MMP28: variants seen among roughly 807,000 people sequenced by gnomAD.
The protein encoded by MMP28 is matrix metallopeptidase 28.
A neutral mutation model predicts 60.5 loss-of-function variants in MMP28; 55 were observed. The observed-to-expected ratio is 0.91, with a 90% CI of 0.73 to 1.14. The LOEUF (loss-of-function observed/expected upper bound fraction) is 1.14. MMP28 is among the 50% of genes most tolerant of loss of function. The probability of loss-of-function intolerance (pLI) is 0.00; values close to 1 mark genes in which losing one functional copy is unlikely to be tolerated. For synonymous variants in MMP28, 318 were observed against 312.5 expected, an observed-to-expected ratio of 1.02 and a Z score of -0.18; for missense variants, 686 against 738.3, an observed-to-expected ratio of 0.93 and a Z score of 0.82.
chr17:35,768,508 T>TG, intron 5 of MMP28, 129 bp from the exon 6 acceptor site: 1 of 755,786 alleles, frequency 1.3e-6, no homozygotes, highest in Non-Finnish European at 2.0e-6. Context: ...AGAGTGGGAG[T>TG]GGGGGTTAAG....
At chr17:35,792,257 T>C (rs937031794) in intron 1 of MMP28, among the ~76,000 whole-genome samples, 1 of 152,054 alleles carries the variant, frequency 6.6e-6, no homozygotes, top group African/African-American at 2.4e-5. Flanking sequence ...TGGAGTGCAG[T>C]AGAAGCAATA....
chr17:35,779,458 G>T, intron 1 of MMP28, 135 bp from the exon 2 acceptor site: 2 of 674,396 alleles, frequency 3.0e-6, no homozygotes, highest in Non-Finnish European at 5.1e-6. Flanking sequence ...AGCTATAGCA[G>T]AATGAGTTCT....
At chr17:35,778,731 T>C (rs1294472648) in intron 3 of MMP28, 157 bp downstream of exon 3, 2 of 1,476,772 alleles carry the variant, frequency 1.4e-6, no homozygotes, top group Non-Finnish European at 1.8e-6. Flanking sequence ...TTCACAATCA[T>C]GGTCCTCAAG....
At chr17:35,782,811 G>A (rs1200554519) in intron 1 of MMP28, among the ~76,000 whole-genome samples, 3 of 151,514 alleles carry the variant, frequency 2.0e-5, no homozygotes, top group Non-Finnish European at 2.9e-5. Flanking sequence ...GATGGCTGGG[G>A]ACAAATTATT....
downstream of MMP28, among the ~76,000 whole-genome samples, chr17:35,761,563 G>A (rs1188161146): frequency 6.6e-6 from 1 of 152,104 alleles, no homozygotes; most frequent in East Asian, 1.9e-4. Context: ...ACAGGTGTGA[G>A]CCACCACATC....
intron 3 of MMP28, among the ~76,000 whole-genome samples, chr17:35,774,100 G>A (rs1028460787): frequency 6.6e-6 from 1 of 152,180 alleles, no homozygotes; most frequent in African/African-American, 2.4e-5. Context: ...CTGAGAGAAA[G>A]TTTTCCATCT....
chr17:35,762,995 G>A (rs369280681), downstream of MMP28, among the ~76,000 whole-genome samples: 2 of 152,060 alleles, frequency 1.3e-5, no homozygotes, highest in East Asian at 3.9e-4. Flanking sequence ...GGTGGCGGGC[G>A]CCTATAGTCC....
intron 1 of MMP28, among the ~76,000 whole-genome samples, chr17:35,780,095 T>C (rs548865507): frequency 5.3e-5 from 8 of 151,946 alleles, no homozygotes; most frequent in Admixed American, 3.3e-4. Flanking sequence ...TGAGATGGAG[T>C]TTTGCTCTTG....
In MMP28 at chr17:35,779,053, G is replaced by A. The variant is rs2086420319; in HGVS notation, c.214C>T (p.Leu72=). 6.2e-7 allele frequency: 1 copy of A among 1,613,894 alleles called. No homozygotes were observed. The highest frequency in any genetic ancestry group is 8.5e-7 in the Non-Finnish European group (1 of 1,179,896). Residue 72 remains leucine (L), a synonymous_variant, in exon 3 of 8, where the codon CTA becomes TTA. Coordinates refer to ENST00000605424, the MANE Select transcript of MMP28 (RefSeq NM_024302.5). ...CGGTCCAACACGCCGCTGACAGGTA[G>A]CTGGGACACCCACTGAAACGCTCTG... ...AIRAFQWVSQ[L]PVSGVLDRAT...
chr17:35,789,049 A>G (rs1324252456), intron 1 of MMP28, among the ~76,000 whole-genome samples: 5 of 152,192 alleles, frequency 3.3e-5, no homozygotes, highest in Non-Finnish European at 5.9e-5. Context: ...TTTGTTCACA[A>G]CACAGCTTTG....
chr17:35,772,062 G>A (rs912016918), intron 4 of MMP28, among the ~76,000 whole-genome samples: 10 of 152,004 alleles, frequency 6.6e-5, no homozygotes, highest in African/African-American at 2.4e-4. Context: ...GCAAAGATGG[G>A]GGTGCTAGAC....
chr17:35,787,218 G>T (rs958131877), intron 1 of MMP28, among the ~76,000 whole-genome samples: 4 of 152,156 alleles, frequency 2.6e-5, no homozygotes, highest in Non-Finnish European at 5.9e-5. Context: ...TCAAATAGGG[G>T]CTGGGATCCT....
At position 35,795,284 on chromosome 17, in the gene MMP28, G is replaced by C; in HGVS notation, c.94C>G (p.Leu32Val). Residue 32 changes from leucine (L) to valine (V), a missense_variant, in exon 1 of 8, where the codon CTG becomes GTG. Physicochemically the swap from Leu to Val is conservative, Grantham distance 32. Coordinates refer to ENST00000605424, the MANE Select transcript of MMP28 (RefSeq NM_024302.5). ...AQPAERGGQE[L>V]RKEAEAFLEK... ...CGGCGTACCTCCGCCTCCTTGCGCA[G>C]CTCCTGGCCTCCGCGCTCCGCGGGC... 2 of 1,458,396 alleles carry C rather than the reference G, an allele frequency of 1.4e-6. No individual in the cohort carries two copies. The highest frequency in any genetic ancestry group is 6.0e-5 in the East Asian group (2 of 33,534). The allele number at this position is 1,458,396 out of a possible 1,614,324, so 90.3% of individuals were successfully genotyped here.
At chr17:35,761,348 T>C (rs1179587205), downstream of MMP28, among the ~76,000 whole-genome samples, 2 of 151,882 alleles carry the variant, frequency 1.3e-5, no homozygotes, top group Non-Finnish European at 2.9e-5. Flanking sequence ...TGACCTCAAG[T>C]GATCCACCCA....
chr17:35,757,263 A>G (rs1312030717), intron 2 of MMP28: 2 of 152,198 alleles, frequency 1.3e-5, no homozygotes, highest in African/African-American at 4.8e-5. Flanking sequence ...AAAGGTACCA[A>G]TTACAACTGG....
In MMP28 at chr17:35,766,547, G is replaced by A. The variant is rs371276704; in HGVS notation, c.1516C>T (p.Pro506Ser). The A allele has an allele frequency of 1.2e-6, 2 of 1,609,564 alleles. No individual in the cohort carries two copies. The highest frequency in any genetic ancestry group is 1.7e-4 in the Middle Eastern group (1 of 5,790). Residue 506 changes from proline (P) to serine (S), a missense_variant, in exon 8 of 8, where the codon CCC becomes TCC. Physicochemically the swap from Pro to Ser is moderately conservative, Grantham distance 74. Transcript: ENST00000605424. This position sits in a 1 kb window ranked among gnomAD's most constrained non-coding sequence, Gnocchi z 4.3. ...TTSGRWATEL[P>S]WMGCWHANSG... ...TTGGCATGCCAGCAGCCCATCCAGG[G>A]CAGCTCGGTGGCCCAGCGGCCCGAG...
downstream of MMP28, chr17:35,764,533 GTC>G: frequency 6.3e-7 from 1 of 1,599,470 alleles, no homozygotes; most frequent in Non-Finnish European, 8.5e-7. Flanking sequence ...AAATGCAGGA[GTC>G]TGCACAGCCA....
chr17:35,782,298 G>A (rs1450548053), intron 1 of MMP28, among the ~76,000 whole-genome samples: 3 of 151,902 alleles, frequency 2.0e-5, no homozygotes, highest in African/African-American at 2.4e-5. Context: ...CTCATGATCC[G>A]CCCGCCTCAG....
downstream of MMP28, among the ~76,000 whole-genome samples, chr17:35,761,376 C>T (rs1449631346): frequency 6.6e-6 from 1 of 150,936 alleles, no homozygotes; most frequent in Admixed American, 6.6e-5. Flanking sequence ...CTCCCAAAGT[C>T]CTGGGATTAC....
Sources: allele counts gnomAD v4.1 joint callset (sites outside exome capture counted in the v4.1 genomes callset), GRCh38; gene constraint gnomAD v4.1.1; non-coding constraint Gnocchi (gnomAD v3.1); transcripts MANE v1.5; gene names NCBI Gene and HGNC (gene_info 2026-07-23, HGNC 2026-07-21).